RGL1: variants seen among roughly 807,000 people sequenced by gnomAD.
RGL1 encodes ral guanine nucleotide dissociation stimulator-like 1.
RGL1 carries 24 observed loss-of-function variants against 95.2 expected under a neutral mutation model. The ratio of observed to expected loss-of-function variants is 0.25; its 90% confidence interval spans 0.18 to 0.35. The LOEUF is 0.35. Ranked by LOEUF, RGL1 falls within the 10% of genes least tolerant of loss-of-function variation. The probability of loss-of-function intolerance (pLI) is 1.00; values close to 1 mark genes in which losing one functional copy is unlikely to be tolerated. For synonymous variants in RGL1, 329 were observed against 344.9 expected, an observed-to-expected ratio of 0.95 and a Z score of 0.51; for missense variants, 715 against 936.3, an observed-to-expected ratio of 0.76 and a Z score of 3.08.
At chr1:183,704,970 T>C (rs1215376854) in intron 1 of RGL1, among the ~76,000 whole-genome samples, 1 of 152,146 alleles carries the variant, frequency 6.6e-6, no homozygotes, top group African/African-American at 2.4e-5. Context: ...AGAACACTTA[T>C]TGCAACTCCA....
rs796357212 is a variant in RGL1, at chr1:183,818,212, C to G, written c.138+11727C>G. The stretch of plus-strand genomic sequence containing the variant: ...CAGCAGCAGGGATGATGATCCTCTT[C>G]TCAGTGGCAAAAGAGTTTTAAAAGG... On this transcript the variant is annotated intron_variant, in intron 2 of 17. Coordinates refer to ENST00000360851, the MANE Select transcript of RGL1 (RefSeq NM_001297671.3). Among the ~76,000 whole-genome samples, 6 of 152,292 alleles carry G rather than the reference C, an allele frequency of 3.9e-5. 1 individual carries two copies. Among genetic ancestry groups the G allele is most frequent in the African/African-American group, 1.4e-4 (6 of 41,564 alleles).
rs550752498 is a variant in RGL1, at chr1:183,637,085, T to C, written c.-33+584T>C. ...ACTCATAATGTTTGAACGAGACATGTCACTTAAAATTCTGTCTCAGATTCC... is the reference window on the plus strand; with the variant it reads ...ACTCATAATGTTTGAACGAGACATGCCACTTAAAATTCTGTCTCAGATTCC... On this transcript the variant is annotated intron_variant, in intron 1 of 18. Coordinates refer to the RGL1 transcript ENST00000304685. Among the ~76,000 whole-genome samples, 3 of 152,322 alleles carry C rather than the reference T, an allele frequency of 2.0e-5. No homozygotes were observed. In the East Asian group the frequency reaches 5.8e-4, roughly 29 times the overall value.
At chr1:183,832,873 C>T (rs759300859) in intron 2 of RGL1, among the ~76,000 whole-genome samples, 16 of 152,100 alleles carry the variant, frequency 1.1e-4, no homozygotes, top group Non-Finnish European at 2.1e-4. Flanking sequence ...GGAAAAGGTA[C>T]AGAGTTTCAG....
At chr1:183,845,317 A>G (rs1664348724) in intron 2 of RGL1, among the ~76,000 whole-genome samples, 1 of 152,230 alleles carries the variant, frequency 6.6e-6, no homozygotes, top group Admixed American at 6.5e-5. Flanking sequence ...AAACTTTCAA[A>G]ATTGCATCTC....
At position 183,907,003 on chromosome 1, in the gene RGL1, C is replaced by G. The variant is rs1455126273; in HGVS notation, c.1473-9C>G. The G allele has an allele frequency of 1.3e-6, 2 of 1,578,156 alleles. No individual in the cohort carries two copies. The highest frequency in any genetic ancestry group is 1.7e-6 in the Non-Finnish European group (2 of 1,148,250). ...CTTTGACCTCATGGAGCCCCCTTCT[C>G]TTTCTCAGCTATGCCCTGTCATGTG... is the stretch of plus-strand genomic sequence containing the variant. On this transcript the variant is annotated splice_polypyrimidine_tract_variant and intron_variant, in intron 13 of 17. Transcript: ENST00000360851.
intron 15 of RGL1, 96 bp from the exon 16 acceptor site, chr1:183,916,351 T>G (rs1007853653): frequency 7.0e-7 from 1 of 1,418,952 alleles, no homozygotes; most frequent in African/African-American, 1.4e-5. Flanking sequence ...ATAACTGCAG[T>G]CTATCAGTCT....
At chr1:183,902,257 T>C (rs1474579790) in intron 11 of RGL1, among the ~76,000 whole-genome samples, 1 of 152,248 alleles carries the variant, frequency 6.6e-6, no homozygotes, top group East Asian at 1.9e-4. Context: ...TGTAATGGAA[T>C]ATTTACTCAA....
At chr1:183,925,672 A>G (rs1572614222) in intron 17 of RGL1, among the ~76,000 whole-genome samples, 2 of 152,162 alleles carry the variant, frequency 1.3e-5, no homozygotes, top group South Asian at 4.1e-4. Flanking sequence ...TGTTTTTTCT[A>G]TGTCATTGGA....
At chr1:183,683,866 T>C (rs1171613535) in intron 1 of RGL1, among the ~76,000 whole-genome samples, 1 of 152,178 alleles carries the variant, frequency 6.6e-6, no homozygotes, top group African/African-American at 2.4e-5. Context: ...GTCTGTTCCT[T>C]TTCATTCTGT....
chr1:183,834,873 G>A (rs967686301), intron 2 of RGL1, among the ~76,000 whole-genome samples: 2 of 151,764 alleles, frequency 1.3e-5, no homozygotes, highest in Non-Finnish European at 2.9e-5. Context: ...TTTACAAACA[G>A]GGTCTCACTA....
chr1:183,703,349 T>G lies in RGL1; in HGVS notation c.-32-38777T>G, dbSNP rs1189488884. On this transcript the variant is annotated intron_variant, in intron 1 of 18. Transcript: ENST00000304685. The stretch of plus-strand genomic sequence containing the variant: ...GTTGCAGCAGGAGCATCGTCTGGAT[T>G]GTCTGGTGGTTAACTATGGTTTCAA... Among the ~76,000 whole-genome samples the G allele has an allele frequency of 2.6e-5, 4 of 152,336 alleles. No individual in the cohort carries two copies. In the East Asian group the frequency reaches 7.7e-4, roughly 29 times the overall value.
intron 2 of RGL1, among the ~76,000 whole-genome samples, chr1:183,792,811 C>A (rs1206063997): frequency 2.0e-5 from 3 of 151,898 alleles, no homozygotes; most frequent in Admixed American, 6.6e-5. Context: ...AGAACACAAA[C>A]AAAGGAAAGA....
At chr1:183,646,809 A>G (rs1345447249) in intron 1 of RGL1, 1 of 152,218 alleles carries the variant, frequency 6.6e-6, no homozygotes, top group Non-Finnish European at 1.5e-5. Flanking sequence ...TGGTGAAGTT[A>G]TTGAGATGTC....
At chr1:183,841,188 A>G (rs1189620656) in intron 2 of RGL1, among the ~76,000 whole-genome samples, 1 of 152,238 alleles carries the variant, frequency 6.6e-6, no homozygotes, top group African/African-American at 2.4e-5. Flanking sequence ...AGATGAATAA[A>G]TGGAAAAGAC....
intron 2 of RGL1, among the ~76,000 whole-genome samples, chr1:183,769,086 C>T (rs890485156): frequency 3.3e-5 from 5 of 152,104 alleles, no homozygotes; most frequent in Non-Finnish European, 7.4e-5. Context: ...TCATTTTTAA[C>T]AGTTTTACCT....
At chr1:183,652,446 T>G (rs1650828246) in intron 1 of RGL1, among the ~76,000 whole-genome samples, 1 of 152,232 alleles carries the variant, frequency 6.6e-6, no homozygotes, top group African/African-American at 2.4e-5. Flanking sequence ...TTCAGAGTCT[T>G]TCTGGGCTTG....
intron 3 of RGL1, among the ~76,000 whole-genome samples, chr1:183,855,855 T>C (rs947615833): frequency 3.9e-5 from 6 of 152,222 alleles, no homozygotes; most frequent in Middle Eastern, 3.2e-3. Flanking sequence ...TTATTAATGT[T>C]TAACTTCCAT....
At chr1:183,804,865 GAC>G (rs1355284335), upstream of RGL1, among the ~76,000 whole-genome samples, 3 of 152,242 alleles carry the variant, frequency 2.0e-5, no homozygotes, top group Non-Finnish European at 4.4e-5. Flanking sequence ...GAAGGAAGAA[GAC>G]ACACACAAAT....
intron 2 of RGL1, among the ~76,000 whole-genome samples, chr1:183,794,920 C>T (rs1660621183): frequency 3.3e-5 from 5 of 152,228 alleles, no homozygotes; most frequent in Admixed American, 2.6e-4. Flanking sequence ...GGCTTTGTAA[C>T]ATCATGTAGT....
Sources: allele counts gnomAD v4.1 joint callset (sites outside exome capture counted in the v4.1 genomes callset), GRCh38; gene constraint gnomAD v4.1.1; transcripts MANE v1.5; gene names NCBI Gene and HGNC (gene_info 2026-07-23, HGNC 2026-07-21).